The following PLD1 variants were observed in gnomAD, a reference collection of about 807,000 sequenced individuals.
PLD1 encodes choline phosphatase 1.
A neutral mutation model predicts 137.1 loss-of-function variants in PLD1; 112 were observed. The ratio of observed to expected loss-of-function variants is 0.82; its 90% confidence interval spans 0.70 to 0.96. The LOEUF is 0.96. PLD1 is among the 40% of genes least tolerant of loss of function. PLD1 has a pLI of 0.00. For missense variants in PLD1, 1,321 were observed against 1,342.0 expected (o/e 0.98, Z 0.24); for synonymous variants, 431 against 454.7 (o/e 0.95, Z 0.66).
At chr3:171,647,686 T>G (rs1236466274) in intron 21 of PLD1, among the ~76,000 whole-genome samples, 3 of 152,102 alleles carry the variant, frequency 2.0e-5, no homozygotes, top group Non-Finnish European at 2.9e-5. Context: ...TGACCTCAGG[T>G]GATCCGCCTC....
intron 24 of PLD1, among the ~76,000 whole-genome samples, chr3:171,620,112 C>T (rs144034238): frequency 6.6e-6 from 1 of 152,214 alleles, no homozygotes; most frequent in East Asian, 1.9e-4. Context: ...ATAGGTACTG[C>T]AATTGCCCTG....
At chr3:171,630,637 G>A (rs1578143258) in intron 23 of PLD1, among the ~76,000 whole-genome samples, 1 of 137,994 alleles carries the variant, frequency 7.2e-6, no homozygotes, top group South Asian at 2.4e-4. Context: ...ATGATAGACT[G>A]GATTAAGAAA....
chr3:171,677,809 T>G (rs563219780), intron 16 of PLD1, 115 bp from the exon 17 acceptor site: 1 of 1,004,056 alleles, frequency 1.0e-6, no homozygotes. Flanking sequence ...AAGACACAAC[T>G]AGGGTGGCAT....
chr3:171,766,910 T>G (rs1326392818), intron 1 of PLD1, among the ~76,000 whole-genome samples: 14 of 152,250 alleles, frequency 9.2e-5, no homozygotes, highest in Admixed American at 9.2e-4. Flanking sequence ...CGTTTAAATT[T>G]TAGCCAAATT....
At chr3:171,792,777 T>C (rs1279684623) in intron 1 of PLD1, 2 of 445,348 alleles carry the variant, frequency 4.5e-6, no homozygotes, top group East Asian at 1.4e-4. Context: ...TCCCCCCAGA[T>C]TTGCAAACTT....
chr3:171,748,702 G>T (rs1219426715), intron 1 of PLD1, among the ~76,000 whole-genome samples: 4 of 151,794 alleles, frequency 2.6e-5, no homozygotes, highest in African/African-American at 9.7e-5. Flanking sequence ...TACCATGGTA[G>T]ATATGTGATT....
chr3:171,677,213 G>GA (rs1300269100), intron 17 of PLD1, among the ~76,000 whole-genome samples: 2 of 152,166 alleles, frequency 1.3e-5, no homozygotes, highest in African/African-American at 4.8e-5. Flanking sequence ...GTGATAACCT[G>GA]AAAATATGCC....
At chr3:171,611,004 C>CGGA (rs1277302115) in intron 25 of PLD1, among the ~76,000 whole-genome samples, 1 of 152,128 alleles carries the variant, frequency 6.6e-6, no homozygotes, top group Non-Finnish European at 1.5e-5. Context: ...CTGCCTTTGC[C>CGGA]GGGAGTTAAG....
chr3:171,734,010 G>C (rs1407553274), intron 5 of PLD1, among the ~76,000 whole-genome samples: 1 of 152,164 alleles, frequency 6.6e-6, no homozygotes, highest in African/African-American at 2.4e-5. Flanking sequence ...GGGGAGTAGA[G>C]GGATATAGGC....
chr3:171,634,687 G>C (rs912867414), intron 23 of PLD1, among the ~76,000 whole-genome samples: 6 of 152,064 alleles, frequency 3.9e-5, no homozygotes, highest in African/African-American at 1.2e-4. Context: ...TTATATACAT[G>C]TACTAAAAAC....
intron 1 of PLD1, among the ~76,000 whole-genome samples, chr3:171,774,041 C>T (rs1337247785): frequency 6.6e-6 from 1 of 152,216 alleles, no homozygotes; most frequent in Non-Finnish European, 1.5e-5. Context: ...AGCCACCGCG[C>T]CCGGCTATTA....
chr3:171,611,094 G>A (rs892434238), intron 25 of PLD1, among the ~76,000 whole-genome samples: 4 of 152,190 alleles, frequency 2.6e-5, no homozygotes, highest in African/African-American at 2.4e-5. Context: ...AGGCTGCAGC[G>A]CAGTGCCCTT....
intron 19 of PLD1, among the ~76,000 whole-genome samples, chr3:171,669,480 C>T (rs1420083287): frequency 6.6e-6 from 1 of 152,198 alleles, no homozygotes; most frequent in African/African-American, 2.4e-5. Context: ...CGGCTCACTG[C>T]AACCTCTGCC....
At chr3:171,658,641 A>G (rs1737411699) in intron 21 of PLD1, among the ~76,000 whole-genome samples, 1 of 152,234 alleles carries the variant, frequency 6.6e-6, no homozygotes, top group South Asian at 2.1e-4. Context: ...GCCAGAGGCT[A>G]AAAATAGAAG....
chr3:171,803,309 G>A lies in PLD1; in HGVS notation c.-32+7090C>T, dbSNP rs138605941. Among the ~76,000 whole-genome samples the A allele has an allele frequency of 1.7e-3, 258 of 152,252 alleles. 1 individual carries two copies. The highest frequency in any genetic ancestry group is 5.9e-3 in the African/African-American group (243 of 41,528). ...TCCCCAAATTCAGAATCACTGTGAC[G>A]GTTGACAGAAAAGTGCAGGAGAAAT... On this transcript the variant is annotated intron_variant, in intron 1 of 26. Coordinates refer to ENST00000351298, the MANE Select transcript of PLD1 (RefSeq NM_002662.5).
At chr3:171,738,899 G>T (rs1439743451) in intron 1 of PLD1, among the ~76,000 whole-genome samples, 1 of 152,182 alleles carries the variant, frequency 6.6e-6, no homozygotes, top group Admixed American at 6.5e-5. Context: ...ATCAGAGTTG[G>T]ATGAAACATC....
At chr3:171,809,665 C>G (rs1165250759) in intron 1 of PLD1, 1 of 152,276 alleles carries the variant, frequency 6.6e-6, no homozygotes, top group African/African-American at 2.4e-5. Flanking sequence ...ACAGGCGTGG[C>G]GGTAGTTCAG....
chr3:171,686,937 C>A lies in PLD1; in HGVS notation c.1754-139G>T. 5.7e-6 allele frequency: 3 copies of A among 529,968 alleles called. No individual in the cohort carries two copies. The South Asian group carries it at 9.2e-5, about 16-fold the overall frequency. The allele number at this position is 529,968 out of a possible 1,614,324, so 32.8% of individuals were successfully genotyped here. ...TTCTGTGCAACAGAAAATTGTAGGG[C>A]TTTAAGATGGATTTCAAAGGAATAG... On this transcript the variant is annotated intron_variant, in intron 15 of 26. Coordinates refer to ENST00000351298, the MANE Select transcript of PLD1 (RefSeq NM_002662.5).
chr3:171,769,940 A>G (rs1046925765), intron 1 of PLD1, among the ~76,000 whole-genome samples: 18 of 152,246 alleles, frequency 1.2e-4, no homozygotes, highest in African/African-American at 4.3e-4. Flanking sequence ...TCCTTAAAGT[A>G]ACATGAAAGC....
Sources: allele counts gnomAD v4.1 joint callset (sites outside exome capture counted in the v4.1 genomes callset), GRCh38; gene constraint gnomAD v4.1.1; transcripts MANE v1.5; gene names NCBI Gene and HGNC (gene_info 2026-07-23, HGNC 2026-07-21).